Variants in MAL observed in about 807,000 individuals in gnomAD.
The protein encoded by MAL is mal, T cell differentiation protein (MAL blood group), also known as myelin and lymphocyte protein.
A neutral mutation model predicts 16.7 loss-of-function variants in MAL; 5 were observed. The ratio of observed to expected loss-of-function variants is 0.30; its 90% confidence interval spans 0.16 to 0.63. MAL has a LOEUF of 0.63. MAL is among the 30% of genes least tolerant of loss of function. The probability of loss-of-function intolerance (pLI) is 0.82; values close to 1 mark genes in which losing one functional copy is unlikely to be tolerated. For missense variants in MAL, 202 were observed against 195.8 expected (o/e 1.03, Z -0.19); for synonymous variants, 96 against 85.5 (o/e 1.12, Z -0.67).
chr2:95,026,547 G>C (rs1673944143), intron 1 of MAL: 1 of 151,802 alleles, frequency 6.6e-6, no homozygotes, highest in Admixed American at 6.6e-5. Context: ...CGATCCGCGC[G>C]CCTCGACTGA....
intron 1 of MAL, chr2:95,044,311 C>T (rs1263340848): frequency 6.6e-6 from 1 of 152,162 alleles, no homozygotes; most frequent in Non-Finnish European, 1.5e-5. Flanking sequence ...GACAATGTTC[C>T]AAGATTGACT....
At chr2:95,053,342 C>A (rs1441528061) in intron 3 of MAL, 39 bp from the exon 4 acceptor site, 1 of 1,430,514 alleles carries the variant, frequency 7.0e-7, no homozygotes, top group East Asian at 2.3e-5. Context: ...CTCGCCCTCC[C>A]TACACAAACC....
At chr2:95,035,656 T>C (rs1674186161) in intron 1 of MAL, among the ~76,000 whole-genome samples, 1 of 150,868 alleles carries the variant, frequency 6.6e-6, no homozygotes, top group South Asian at 2.1e-4. Context: ...GGCCCTCCAC[T>C]CAGCTCTTAG....
chr2:95,035,164 C>A (rs888508566), intron 1 of MAL, among the ~76,000 whole-genome samples: 4 of 152,170 alleles, frequency 2.6e-5, no homozygotes, highest in Non-Finnish European at 5.9e-5. Context: ...AGCCTTCTGT[C>A]GCCTCTGGCA....
intron 1 of MAL, among the ~76,000 whole-genome samples, chr2:95,043,513 A>G (rs1674518188): frequency 6.6e-6 from 1 of 152,224 alleles, no homozygotes; most frequent in Non-Finnish European, 1.5e-5. Context: ...TTCGGAGGAC[A>G]GCTCCTCTGA....
At chr2:95,036,169 G>A (rs1201241444) in intron 1 of MAL, among the ~76,000 whole-genome samples, 1 of 152,184 alleles carries the variant, frequency 6.6e-6, no homozygotes, top group African/African-American at 2.4e-5. Context: ...GACTGGTGTA[G>A]GTAAACCAAG....
chr2:95,041,928 A>AC (rs1171830626), intron 1 of MAL, among the ~76,000 whole-genome samples: 3 of 151,924 alleles, frequency 2.0e-5, no homozygotes, highest in Admixed American at 1.3e-4. Flanking sequence ...AACTCTGCTA[A>AC]CCCCCCGACA....
At chr2:95,026,930 G>C (rs1477680494) in intron 1 of MAL, among the ~76,000 whole-genome samples, 1 of 152,112 alleles carries the variant, frequency 6.6e-6, no homozygotes, top group African/African-American at 2.4e-5. Context: ...ATACCAAAGG[G>C]AGCAGGTCAG....
At chr2:95,049,861 G>T (rs180951073) in intron 3 of MAL, among the ~76,000 whole-genome samples, 155 bp downstream of exon 3, 4 of 152,150 alleles carry the variant, frequency 2.6e-5, no homozygotes, top group Non-Finnish European at 5.9e-5. Context: ...GAAAGCCCCC[G>T]AGAAGGGCAG....
intron 1 of MAL, among the ~76,000 whole-genome samples, chr2:95,035,963 C>T (rs1376482600): frequency 6.6e-6 from 1 of 152,208 alleles, no homozygotes; most frequent in African/African-American, 2.4e-5. Flanking sequence ...GCCACCGTGC[C>T]CAGCAACAGC....
At chr2:95,028,351 T>G (rs1023851218) in intron 1 of MAL, among the ~76,000 whole-genome samples, 13 of 151,654 alleles carry the variant, frequency 8.6e-5, no homozygotes, top group African/African-American at 2.4e-4. Context: ...GTAAATAAAT[T>G]AAATAAATAG....
intron 1 of MAL, among the ~76,000 whole-genome samples, chr2:95,044,075 G>C (rs1674530273): frequency 6.6e-6 from 1 of 152,230 alleles, no homozygotes; most frequent in Non-Finnish European, 1.5e-5. Flanking sequence ...GCACTGTGCA[G>C]CTGCAACGGT....
At chr2:95,041,538 G>A (rs1251296493) in intron 1 of MAL, among the ~76,000 whole-genome samples, 3 of 152,150 alleles carry the variant, frequency 2.0e-5, no homozygotes, top group East Asian at 3.8e-4. Context: ...AGTGGCAGCC[G>A]GGTGCTGGTC....
rs1339742408 is a variant in MAL, at chr2:95,048,079, C to T, written c.214C>T (p.Leu72=). ...CFVATTTLII[L]YIIGAHGGET... ...CGTGGCCACCACCACCTTGATCATC[C>T]TGTACATAATTGGAGCCCACGGTGG... Residue 72 remains leucine, a synonymous_variant, in exon 2 of 4, where the codon CTG becomes TTG. Transcript: ENST00000309988. 3 of 1,613,748 alleles carry T rather than the reference C, an allele frequency of 1.9e-6. No individual in the cohort carries two copies. The African/African-American group carries it at 4.0e-5, about 22-fold the overall frequency.
chr2:95,026,810 C>T (rs575436551), intron 1 of MAL: 1 of 152,208 alleles, frequency 6.6e-6, no homozygotes, highest in Middle Eastern at 3.1e-3. Context: ...GGCACCCCAC[C>T]CTCAGAAGTG....
intron 1 of MAL, among the ~76,000 whole-genome samples, chr2:95,033,147 G>A (rs895193394): frequency 5.3e-5 from 8 of 152,150 alleles, no homozygotes; most frequent in African/African-American, 1.7e-4. Flanking sequence ...AACTTGGAGG[G>A]AGGCCCACGG....
In MAL at chr2:95,049,696, T is replaced by C. The variant is rs770370071; in HGVS notation, c.377T>C (p.Ile126Thr). The change falls in exon 3 of 4, where the codon ATT becomes ACT. Residue 126 changes from isoleucine to threonine, a missense_variant. Transcript: ENST00000309988. ...GFTYRHYHEN[I>T]AAVVFSYIAT... is the part of the protein sequence containing the mutation. ...ACCTACAGGCACTACCATGAAAACA[T>C]TGCTGCCGTGGTGAGTCCGGGCACC... is the stretch of plus-strand genomic sequence containing the variant. 1.2e-6 allele frequency: 2 copies of C among 1,614,078 alleles called. No homozygotes were observed. Among genetic ancestry groups the C allele is most frequent in the Non-Finnish European group, 1.7e-6 (2 of 1,179,984 alleles).
chr2:95,039,232 CTGAG>C (rs1412524458), intron 1 of MAL, among the ~76,000 whole-genome samples: 3 of 81,758 alleles, frequency 3.7e-5, no homozygotes, highest in Admixed American at 1.2e-4. Flanking sequence ...GAGTGAGTGA[CTGAG>C]TGACTGAGTG....
intron 3 of MAL, 23 bp downstream of exon 3, chr2:95,049,729 G>A (rs1674675994): frequency 1.9e-6 from 3 of 1,613,910 alleles, no homozygotes; most frequent in East Asian, 2.2e-5. Context: ...ACCTGGGGCT[G>A]TGTCCACAGC....
Sources: allele counts gnomAD v4.1 joint callset (sites outside exome capture counted in the v4.1 genomes callset), GRCh38; gene constraint gnomAD v4.1.1; transcripts MANE v1.5; gene names NCBI Gene and HGNC (gene_info 2026-07-23, HGNC 2026-07-21).